HMGCLL1: variants seen among roughly 807,000 people sequenced by gnomAD.
HMGCLL1 encodes the protein 3-hydroxy-3-methylglutaryl-CoA lyase like 1.
Under a neutral mutation model 39.1 loss-of-function variants are expected in HMGCLL1, and 36 were observed. The ratio of observed to expected loss-of-function variants is 0.92; its 90% CI spans 0.71 to 1.22. The LOEUF (loss-of-function observed/expected upper bound fraction) is 1.22. Among genes scored for constraint, HMGCLL1 ranks in the 50% most tolerant of loss-of-function variants. HMGCLL1 has a pLI of 0.00. For missense variants in HMGCLL1, 451 were observed against 416.5 expected (o/e 1.08, Z -0.72); for synonymous variants, 149 against 144.0 (o/e 1.03, Z -0.25).
chr6:55,487,252 C>A (rs1437371762), intron 7 of HMGCLL1, among the ~76,000 whole-genome samples: 1 of 151,486 alleles, frequency 6.6e-6, no homozygotes, highest in Non-Finnish European at 1.5e-5. Flanking sequence ...TGCTTAATTG[C>A]CCTGGTCAAT....
the HMGCLL1 span, among the ~76,000 whole-genome samples, chr6:55,599,245 C>A: frequency 1.3e-5 from 2 of 151,488 alleles, no homozygotes; most frequent in African/African-American, 4.9e-5. Flanking sequence ...ACATGTATCC[C>A]AGAACTTAAA....
intron 1 of HMGCLL1, among the ~76,000 whole-genome samples, chr6:55,555,838 G>A (rs1770629629): frequency 6.6e-6 from 1 of 152,178 alleles, no homozygotes; most frequent in South Asian, 2.1e-4. Context: ...TCGACAAAAG[G>A]AAGATTGAAT....
chr6:55,642,507 A>C, the HMGCLL1 span, among the ~76,000 whole-genome samples: 1 of 152,154 alleles, frequency 6.6e-6, no homozygotes, highest in Admixed American at 6.6e-5. Flanking sequence ...TATGAGATAC[A>C]TAAAATATTT....
chr6:55,562,529 G>GTC (rs1400203833), intron 1 of HMGCLL1, among the ~76,000 whole-genome samples: 2 of 152,086 alleles, frequency 1.3e-5, no homozygotes, highest in Non-Finnish European at 2.9e-5. Context: ...CCCTGGAACG[G>GTC]TCTCCTTTCA....
At chr6:55,518,624 G>A (rs951291010) in intron 3 of HMGCLL1, among the ~76,000 whole-genome samples, 8 of 152,202 alleles carry the variant, frequency 5.3e-5, no homozygotes, top group Non-Finnish European at 8.8e-5. Context: ...GCCACTGTGG[G>A]GAAATCAGCC....
chr6:55,627,392 G>C, the HMGCLL1 span, among the ~76,000 whole-genome samples: 1 of 151,956 alleles, frequency 6.6e-6, no homozygotes, highest in Non-Finnish European at 1.5e-5. Flanking sequence ...TTGTACGGAG[G>C]ATAGTTGTAT....
chr6:55,508,558 C>A (rs10948933), intron 5 of HMGCLL1, among the ~76,000 whole-genome samples: 102,121 of 151,464 alleles, frequency 0.67, 34,453 homozygotes, highest in Non-Finnish European at 0.7. Flanking sequence ...AAACACTTTT[C>A]AGGAATTCAT....
intron 3 of HMGCLL1, among the ~76,000 whole-genome samples, chr6:55,534,178 TG>T (rs2127450909): frequency 6.6e-6 from 1 of 152,274 alleles, no homozygotes; most frequent in South Asian, 2.1e-4. Context: ...GGGAGTTTTT[TG>T]TTTATCTATC....
the HMGCLL1 span, among the ~76,000 whole-genome samples, chr6:55,606,142 T>A: frequency 6.6e-6 from 1 of 152,076 alleles, no homozygotes; most frequent in Non-Finnish European, 1.5e-5. Context: ...CTTTTTGAGC[T>A]AAGAAATGAG....
intron 1 of HMGCLL1, among the ~76,000 whole-genome samples, chr6:55,553,248 C>CATGTGTGT (rs147650397): frequency 7.0e-6 from 1 of 143,636 alleles, no homozygotes; most frequent in African/African-American, 2.6e-5. Flanking sequence ...TACATATATA[C>CATGTGTGT]GTGTGTGTGT....
At chr6:55,540,011 AGG>A (rs1769311306) in intron 3 of HMGCLL1, among the ~76,000 whole-genome samples, 1 of 11,756 alleles carries the variant, frequency 8.5e-5, no homozygotes, top group Non-Finnish European at 2.1e-4. Context: ...GGAGGGAGGG[AGG>A]GAGGGAGGGA....
At chr6:55,456,221 G>T (rs1764314156) in intron 7 of HMGCLL1, among the ~76,000 whole-genome samples, 1 of 152,122 alleles carries the variant, frequency 6.6e-6, no homozygotes, top group South Asian at 2.1e-4. Context: ...ACACATATTT[G>T]GTGTTGTAGC....
intron 7 of HMGCLL1, among the ~76,000 whole-genome samples, chr6:55,447,642 CT>C (rs1254703963): frequency 2.0e-5 from 3 of 151,942 alleles, no homozygotes; most frequent in Non-Finnish European, 4.4e-5. Context: ...ATAATAAATA[CT>C]ATTAGCAAAC....
intron 7 of HMGCLL1, among the ~76,000 whole-genome samples, chr6:55,464,773 A>G (rs1352602743): frequency 1.3e-5 from 2 of 152,020 alleles, no homozygotes; most frequent in Non-Finnish European, 2.9e-5. Flanking sequence ...CTGTGAACCT[A>G]CCTTGGTTTC....
chr6:55,613,549 G>A, the HMGCLL1 span, among the ~76,000 whole-genome samples: 1 of 152,036 alleles, frequency 6.6e-6, no homozygotes, highest in Admixed American at 6.6e-5. Flanking sequence ...CAACTCAAAG[G>A]CCCATCAATG....
chr6:55,437,772 C>G (rs1339742870), intron 8 of HMGCLL1, among the ~76,000 whole-genome samples: 1 of 151,954 alleles, frequency 6.6e-6, no homozygotes, highest in Non-Finnish European at 1.5e-5. Flanking sequence ...ATTTTAAAGG[C>G]AAGTCTGGAG....
chr6:55,534,180 T>C (rs548444989), intron 3 of HMGCLL1, among the ~76,000 whole-genome samples: 2 of 152,142 alleles, frequency 1.3e-5, no homozygotes, highest in Non-Finnish European at 2.9e-5. Context: ...GAGTTTTTTG[T>C]TTATCTATCA....
intron 1 of HMGCLL1, among the ~76,000 whole-genome samples, chr6:55,542,478 T>C (rs1243180169): frequency 6.6e-6 from 1 of 152,034 alleles, no homozygotes; most frequent in African/African-American, 2.4e-5. Flanking sequence ...CTGTTAGAGT[T>C]CATTTAAAAA....
intron 7 of HMGCLL1, among the ~76,000 whole-genome samples, chr6:55,462,345 T>G (rs538972153): frequency 1.2e-4 from 19 of 152,220 alleles, no homozygotes; most frequent in African/African-American, 4.6e-4. Flanking sequence ...ATGCTCACCA[T>G]GTATGCTCAT....
Sources: allele counts gnomAD v4.1 joint callset (sites outside exome capture counted in the v4.1 genomes callset), GRCh38; gene constraint gnomAD v4.1.1; transcripts MANE v1.5; gene names NCBI Gene and HGNC (gene_info 2026-07-23, HGNC 2026-07-21).